MTMR3: variants seen among roughly 807,000 people sequenced by gnomAD.
The protein encoded by MTMR3 is myotubularin related protein 3.
In MTMR3, 32 loss-of-function variants were observed where a neutral mutation model predicts 132.4. The ratio of observed to expected loss-of-function variants is 0.24; its 90% CI spans 0.18 to 0.32. MTMR3 has a LOEUF of 0.32. Among genes scored for constraint, MTMR3 ranks in the 10% least tolerant of loss-of-function variants. The pLI, the probability that MTMR3 is intolerant of heterozygous loss-of-function variation, is 1.00. For missense variants in MTMR3, 1,216 were observed against 1,489.6 expected (o/e 0.82, Z 3.02); for synonymous variants, 556 against 550.3 (o/e 1.01, Z -0.14).
rs1287290232 is a variant in MTMR3 at position 30,028,471 on chromosome 22, C to T, written c.*2670C>T. 6.6e-6 allele frequency: 1 copy of T among 152,380 alleles called. No homozygotes were observed. Among genetic ancestry groups the T allele is most frequent in the African/African-American group, 2.4e-5 (1 of 41,460 alleles). The allele number at this position is 152,380 out of a possible 1,614,324, so 9.4% of individuals were successfully genotyped here. ...GCATCTAGTCACTTCAATACTAGTT[C>T]TTGCTCTTCACAGAGGTAGATTTTT... On this transcript the variant is annotated 3_prime_UTR_variant, in exon 20 of 20. Coordinates refer to ENST00000401950, the MANE Select transcript of MTMR3 (RefSeq NM_021090.4).
chr22:29,949,444 C>T (rs529164034), intron 1 of MTMR3, among the ~76,000 whole-genome samples: 3 of 150,006 alleles, frequency 2.0e-5, no homozygotes, highest in South Asian at 2.1e-4. Flanking sequence ...TGCAGTGAGC[C>T]GAGATCATGC....
At chr22:30,008,948 G>A in intron 11 of MTMR3, 70 bp from the exon 12 acceptor site, 1 of 1,034,054 alleles carries the variant, frequency 9.7e-7, no homozygotes, top group Non-Finnish European at 1.5e-6. Context: ...TAGCCAGTTT[G>A]CTTTTAAATT....
Position 30,030,466 on chromosome 22 carries a change from G to C in MTMR3, c.*4665G>C, listed in dbSNP as rs1366117915. On this transcript the variant is annotated 3_prime_UTR_variant, in exon 20 of 20. Coordinates refer to ENST00000401950, the MANE Select transcript of MTMR3 (RefSeq NM_021090.4). Reference sequence around the variant, plus strand: ...CAGCATTGGTTCTGCTGTAGCCTCGGTGACCATTTAAGTTGAATAAATCTG... The same window carrying C: ...CAGCATTGGTTCTGCTGTAGCCTCGCTGACCATTTAAGTTGAATAAATCTG... 6.6e-6 allele frequency: 1 copy of C among 152,158 alleles called. No individual in the cohort carries two copies. Among genetic ancestry groups the C allele is most frequent in the East Asian group, 1.9e-4 (1 of 5,328 alleles). The allele number at this position is 152,158 out of a possible 1,614,324, so 9.4% of individuals were successfully genotyped here. A position where few individuals can be genotyped will look rare whatever the true frequency, so the allele number is the denominator to read the frequency against.
intron 9 of MTMR3, chr22:30,003,874 A>G (rs939895643): frequency 6.6e-6 from 1 of 152,150 alleles, no homozygotes; most frequent in Non-Finnish European, 1.5e-5. Context: ...TGTAATGTTT[A>G]CATTCTCCAT....
chr22:29,913,074 C>T (rs549833037), intron 1 of MTMR3, among the ~76,000 whole-genome samples: 6 of 152,156 alleles, frequency 3.9e-5, no homozygotes, highest in Admixed American at 2.6e-4. Context: ...GCAAGACCCC[C>T]TCTACAAAAT....
Position 30,019,543 on chromosome 22 carries a change from C to T in MTMR3, c.1884C>T (p.Ala628=). Residue 628 remains alanine, a synonymous_variant, in exon 17 of 20, where the codon GCC becomes GCT. Coordinates refer to ENST00000401950, the MANE Select transcript of MTMR3 (RefSeq NM_021090.4). ...TTACDNTVPL[A]SRRCSDPSLN... is the part of the protein sequence containing the mutation. ...CCTGTGACAACACAGTGCCTCTGGCCAGCCGGCGCTGCAGCGACCCCAGCC... is the reference window on the plus strand; with the variant it reads ...CCTGTGACAACACAGTGCCTCTGGCTAGCCGGCGCTGCAGCGACCCCAGCC... 6.2e-7 allele frequency: 1 copy of T among 1,612,624 alleles called. No homozygotes were observed. The highest frequency in any genetic ancestry group is 1.1e-5 in the South Asian group (1 of 91,078).
In MTMR3 at chr22:29,967,238, C is replaced by CGT. The variant is rs1274177450; in HGVS notation, c.-84-3737_-84-3736insTG. 4.8e-4 allele frequency among the ~76,000 whole-genome samples: 62 copies of CGT among 129,684 alleles called. No individual in the cohort carries two copies. In the South Asian group the frequency reaches 0.013, roughly 28 times the overall value. 85.1% of individuals were successfully genotyped at this position (129,684 alleles called of 152,430 possible). On this transcript the variant is annotated intron_variant, in intron 2 of 19. Coordinates refer to ENST00000401950, the MANE Select transcript of MTMR3 (RefSeq NM_021090.4). Reference sequence around the variant, plus strand: ...GTGTGTGTGTGTGTGTGTGTGCATGCGCGCGCGCGCGCATGTTTTTTAGAG... The same window carrying CGT: ...GTGTGTGTGTGTGTGTGTGTGCATGCGTGCGCGCGCGCGCATGTTTTTTAGAG...
At chr22:29,945,629 T>C (rs117144516) in intron 1 of MTMR3, among the ~76,000 whole-genome samples, 2,816 of 151,388 alleles carry the variant, frequency 0.019, 44 homozygotes, top group Non-Finnish European at 0.029. Flanking sequence ...TGCTTGAGTC[T>C]GGGATCCTGA....
rs566721533 is a variant in MTMR3, at chr22:30,019,271, G to A, written c.1821-209G>A. On this transcript the variant is annotated intron_variant, in intron 16 of 19. Transcript: ENST00000401950. ...TGTATGTATGGGGCATGGGGTTGGG[G>A]GAGTTTGAAAGGAAATCTGCACACT... 4 of 574,502 alleles carry A rather than the reference G, an allele frequency of 7.0e-6. No homozygotes were observed. In the African/African-American group the frequency reaches 7.4e-5, roughly 11 times the overall value. 35.6% of individuals were successfully genotyped at this position (574,502 alleles called of 1,614,324 possible). A position where few individuals can be genotyped will look rare whatever the true frequency, so the allele number is the denominator to read the frequency against.
intron 1 of MTMR3, among the ~76,000 whole-genome samples, chr22:29,901,947 A>G (rs1006224827): frequency 5.9e-5 from 9 of 152,192 alleles, no homozygotes; most frequent in African/African-American, 1.9e-4. Flanking sequence ...TTGTGTGTTC[A>G]TTCCCCAGTT....
intron 1 of MTMR3, among the ~76,000 whole-genome samples, chr22:29,883,784 G>A (rs2064604046): frequency 6.6e-6 from 1 of 152,186 alleles, no homozygotes; most frequent in South Asian, 2.1e-4. Context: ...ATCGTTGCCG[G>A]ATACTGGAGG....
At position 30,019,229 on chromosome 22, in the gene MTMR3, C is replaced by T. The variant is rs2067684660; in HGVS notation, c.1821-251C>T. The T allele has an allele frequency of 1.0e-5, 4 of 389,852 alleles. No homozygotes were observed. In the Admixed American group the frequency reaches 1.2e-4, roughly 12 times the overall value. 24.1% of individuals were successfully genotyped at this position (389,852 alleles called of 1,614,324 possible). On this transcript the variant is annotated intron_variant, in intron 16 of 19. Coordinates refer to ENST00000401950, the MANE Select transcript of MTMR3 (RefSeq NM_021090.4). ...AAAAAAAAAAAAAAAGAAAATAGCA[C>T]TTGCTGTTAGCTCATTTGTATGTAT...
intron 1 of MTMR3, among the ~76,000 whole-genome samples, chr22:29,935,564 A>G (rs17644886): frequency 0.094 from 14,383 of 152,294 alleles, 701 homozygotes; most frequent in Middle Eastern, 0.14. Flanking sequence ...ACGAGACGTC[A>G]TATTTCTCCA....
At chr22:29,928,171 CTTTTTTTTTTTTT>C (rs66896756) in intron 1 of MTMR3, among the ~76,000 whole-genome samples, 2 of 107,704 alleles carry the variant, frequency 1.9e-5, no homozygotes, top group South Asian at 3.1e-4. Context: ...TTTTTTTTTT[CTTTTTTTTTTTTT>C]TTTTTTAGAC....
At chr22:29,903,788 G>C (rs147626391) in intron 1 of MTMR3, among the ~76,000 whole-genome samples, 3 of 152,242 alleles carry the variant, frequency 2.0e-5, no homozygotes, top group African/African-American at 7.2e-5. Flanking sequence ...TAGAACTACA[G>C]AGCTTTTCTC....
intron 1 of MTMR3, among the ~76,000 whole-genome samples, chr22:29,918,738 AG>A (rs1299396457): frequency 3.9e-5 from 6 of 152,238 alleles, no homozygotes; most frequent in Non-Finnish European, 8.8e-5. Context: ...TGGATTCACT[AG>A]GGGTTTTATC....
Position 30,020,603 on chromosome 22 carries a change from G to C in MTMR3, c.2944G>C (p.Ala982Pro). The change falls in exon 17 of 20, where the codon GCC becomes CCC. Residue 982 changes from alanine (A) to proline (P), a missense_variant. Ala to Pro is a conservative substitution (Grantham distance 27). Coordinates refer to ENST00000401950, the MANE Select transcript of MTMR3 (RefSeq NM_021090.4). ...RQLSAMSCSS[A>P]HLHSRNLHHK... ...GCTGTCTGCTATGAGCTGCAGCTCT[G>C]CCCACTTACACTCAAGGAACTTGCA... is the stretch of plus-strand genomic sequence containing the variant. The C allele has an allele frequency of 6.2e-7, 1 of 1,614,186 alleles. No homozygotes were observed. Among genetic ancestry groups the C allele is most frequent in the Non-Finnish European group, 8.5e-7 (1 of 1,180,042 alleles).
intron 1 of MTMR3, among the ~76,000 whole-genome samples, chr22:29,891,065 GA>G (rs35004520): frequency 6.8e-5 from 10 of 147,124 alleles, no homozygotes; most frequent in East Asian, 2.0e-4. Context: ...AATGAAGTCA[GA>G]AAAAAAAAAT....
intron 1 of MTMR3, among the ~76,000 whole-genome samples, chr22:29,938,493 C>A (rs969249087): frequency 6.6e-6 from 1 of 152,236 alleles, no homozygotes; most frequent in South Asian, 2.1e-4. Flanking sequence ...GTATTCAGAC[C>A]TTTCCAAAAT....
Sources: gnomAD v4.1 joint callset for allele counts (sites outside exome capture counted in the v4.1 genomes callset) on GRCh38, gnomAD v4.1.1 for gene constraint, MANE v1.5 for transcripts, NCBI Gene and HGNC (gene_info 2026-07-23, HGNC 2026-07-21) for gene names.